CAMSAP2: variants seen among roughly 807,000 people sequenced by gnomAD.
CAMSAP2 encodes calmodulin regulated spectrin associated protein family member 2, also known as calmodulin-regulated spectrin-associated protein 2.
In CAMSAP2, 26 loss-of-function variants were observed where a neutral mutation model predicts 146.1. The observed-to-expected ratio is 0.18, with a 90% CI of 0.13 to 0.25. The LOEUF (loss-of-function observed/expected upper bound fraction) is 0.25. Among genes scored for constraint, CAMSAP2 ranks in the 10% least tolerant of loss-of-function variants. CAMSAP2 has a pLI of 1.00. For missense variants in CAMSAP2, 1,381 were observed against 1,759.3 expected (o/e 0.78, Z 3.85); for synonymous variants, 499 against 596.6 (o/e 0.84, Z 2.38).
At chr1:200,842,321 T>A (rs968175267) in intron 7 of CAMSAP2, among the ~76,000 whole-genome samples, 3 of 152,340 alleles carry the variant, frequency 2.0e-5, no homozygotes, top group Non-Finnish European at 4.4e-5. Flanking sequence ...TAGCTTTAAC[T>A]GTCCATTTCT....
rs1664107696 is a variant in CAMSAP2, at chr1:200,739,948, G to C, written c.121G>C (p.Ala41Pro). 2 of 1,613,964 alleles carry C rather than the reference G, an allele frequency of 1.2e-6. No individual in the cohort carries two copies. Residue 41 changes from alanine to proline, a missense_variant, in exon 1 of 17, where the codon GCC (alanine) becomes CCC (proline). By Grantham distance (27) the Ala-to-Pro change is conservative. Coordinates refer to ENST00000358823, the MANE Select transcript of CAMSAP2 (RefSeq NM_203459.4). The surrounding 1 kb of genome is among the most constrained non-coding windows in gnomAD (Gnocchi z 4.8). ...CGCCTGCAATCTGGCCTGGCTGGTG[G>C]CCAAAGCCTTTGGGACAGGTTAGTG... ...KIACNLAWLV[A>P]KAFGTENVPE... is the part of the protein sequence containing the mutation.
chr1:200,817,739 A>G (rs1031544061), intron 4 of CAMSAP2, among the ~76,000 whole-genome samples: 3 of 152,230 alleles, frequency 2.0e-5, no homozygotes, highest in Non-Finnish European at 2.9e-5. Flanking sequence ...GACCACGTAC[A>G]ATTTTGTCTG....
intron 2 of CAMSAP2, among the ~76,000 whole-genome samples, chr1:200,776,772 A>G (rs1437709510): frequency 1.3e-5 from 2 of 152,186 alleles, no homozygotes; most frequent in East Asian, 3.8e-4. Flanking sequence ...ACATTCATGA[A>G]AAAGGAAGCT....
At chr1:200,817,174 A>ATACACACACACATATAAGTGTGTGTG (rs1558192008) in intron 4 of CAMSAP2, among the ~76,000 whole-genome samples, 2 of 63,196 alleles carry the variant, frequency 3.2e-5, no homozygotes, top group Non-Finnish European at 5.3e-5. Context: ...ACGTGTGTGT[A>ATACACACACACATATAAGTGTGTGTG]TATACACACA....
intron 10 of CAMSAP2, 127 bp from the exon 11 acceptor site, chr1:200,847,905 T>G: frequency 2.4e-6 from 2 of 831,194 alleles, no homozygotes; most frequent in South Asian, 1.9e-5. Flanking sequence ...TCCCCTTACC[T>G]TGAAGACAGT....
chr1:200,855,599 T>G (rs1010227181), intron 14 of CAMSAP2, among the ~76,000 whole-genome samples: 2 of 144,742 alleles, frequency 1.4e-5, no homozygotes, highest in Admixed American at 1.4e-4. Context: ...TTTTTTATTA[T>G]TAATTTTTTT....
intron 6 of CAMSAP2, among the ~76,000 whole-genome samples, chr1:200,836,039 G>A (rs1667176002): frequency 6.6e-6 from 1 of 151,592 alleles, no homozygotes; most frequent in African/African-American, 2.4e-5. Context: ...CACTTTCTAT[G>A]TTCTTTACTT....
intron 14 of CAMSAP2, among the ~76,000 whole-genome samples, chr1:200,855,602 AT>A (rs200995332): frequency 0.17 from 25,669 of 147,910 alleles, 2,884 homozygotes; most frequent in East Asian, 0.36. Context: ...TTTATTATTA[AT>A]TTTTTTTTTT....
At chr1:200,759,346 C>A (rs1419380795) in intron 1 of CAMSAP2, among the ~76,000 whole-genome samples, 1 of 148,936 alleles carries the variant, frequency 6.7e-6, no homozygotes, top group African/African-American at 2.5e-5. Flanking sequence ...ATGGCGCGAT[C>A]TCACTCTCTG....
rs75958761 is a variant in CAMSAP2, at chr1:200,743,432, G to C, written c.139+3466G>C. On this transcript the variant is annotated intron_variant, in intron 1 of 16. Coordinates refer to ENST00000358823, the MANE Select transcript of CAMSAP2 (RefSeq NM_203459.4). The stretch of plus-strand genomic sequence containing the variant: ...AAGTCCTGTATAAGGTCTGACTCTT[G>C]TGCATATATGAAGATAGTTGAGAGC... 7.4e-3 allele frequency among the ~76,000 whole-genome samples: 1,120 copies of C among 152,178 alleles called. 11 individuals are homozygous for C. The highest frequency in any genetic ancestry group is 0.044 in the Middle Eastern group (13 of 294).
chr1:200,768,832 T>G (rs1158500575), intron 2 of CAMSAP2, among the ~76,000 whole-genome samples: 1 of 152,034 alleles, frequency 6.6e-6, no homozygotes, highest in East Asian at 1.9e-4. Flanking sequence ...TTTTGTATTT[T>G]TAGTAGAGAC....
At position 200,834,743 on chromosome 1, in the gene CAMSAP2, T is replaced by C. The variant is rs545694897; in HGVS notation, c.927+1898T>C. Among the ~76,000 whole-genome samples, 387 of 152,242 alleles carry C rather than the reference T, an allele frequency of 2.5e-3. 1 individual carries two copies. The highest frequency in any genetic ancestry group is 4.1e-3 in the Non-Finnish European group (280 of 68,008). Reference sequence around the variant, plus strand: ...GGCCTGGGCAACATAGTGAGACCTTTGTCTTTACAGAAAATAAAGTTAGCC... The same window carrying C: ...GGCCTGGGCAACATAGTGAGACCTTCGTCTTTACAGAAAATAAAGTTAGCC... On this transcript the variant is annotated intron_variant, in intron 6 of 16. Transcript: ENST00000358823.
chr1:200,818,401 T>C (rs147742784), intron 4 of CAMSAP2, among the ~76,000 whole-genome samples: 1 of 152,314 alleles, frequency 6.6e-6, no homozygotes, highest in African/African-American at 2.4e-5. Flanking sequence ...ACTGTACAAC[T>C]AGTATTTGGT....
intron 4 of CAMSAP2, among the ~76,000 whole-genome samples, chr1:200,816,833 T>C (rs572147681): frequency 0.02 from 1,060 of 51,764 alleles, 127 homozygotes; most frequent in Non-Finnish European, 0.034. Context: ...CACACACGCG[T>C]GTGTATGTGT....
chr1:200,794,798 G>A (rs904399761), intron 2 of CAMSAP2, among the ~76,000 whole-genome samples: 3 of 152,166 alleles, frequency 2.0e-5, no homozygotes, highest in African/African-American at 7.2e-5. Context: ...TTTCCACATT[G>A]TAGTTTTGTG....
chr1:200,777,886 G>T (rs1158333214), intron 2 of CAMSAP2, among the ~76,000 whole-genome samples: 1 of 152,124 alleles, frequency 6.6e-6, no homozygotes, highest in Non-Finnish European at 1.5e-5. Context: ...GCTGCAATGA[G>T]CTGTGATTAT....
chr1:200,761,603 T>G (rs557954537), intron 2 of CAMSAP2, among the ~76,000 whole-genome samples: 31 of 152,096 alleles, frequency 2.0e-4, no homozygotes, highest in African/African-American at 6.5e-4. Context: ...GGCATGGTGG[T>G]GCATGCCTGT....
At chr1:200,846,335 A>G (rs1041096496) in intron 8 of CAMSAP2, among the ~76,000 whole-genome samples, 4 of 152,210 alleles carry the variant, frequency 2.6e-5, no homozygotes, top group African/African-American at 9.6e-5. Context: ...AGATTATTCC[A>G]TAATTATTCT....
At chr1:200,826,891 A>G (rs1254536895) in intron 4 of CAMSAP2, among the ~76,000 whole-genome samples, 3 of 152,138 alleles carry the variant, frequency 2.0e-5, no homozygotes, top group Non-Finnish European at 4.4e-5. Flanking sequence ...AAAAAAAATC[A>G]AAAAACCTTT....
Sources: allele counts gnomAD v4.1 joint callset (sites outside exome capture counted in the v4.1 genomes callset), GRCh38; gene constraint gnomAD v4.1.1; non-coding constraint Gnocchi (gnomAD v3.1); transcripts MANE v1.5; gene names NCBI Gene and HGNC (gene_info 2026-07-23, HGNC 2026-07-21).